STAG2: variants seen among roughly 807,000 people sequenced by gnomAD.
The protein encoded by STAG2 is cohesin subunit SA-2.
STAG2 carries 14 observed loss-of-function variants against 108.1 expected under a neutral mutation model. The observed-to-expected ratio is 0.13, with a 90% CI of 0.09 to 0.20. The LOEUF (loss-of-function observed/expected upper bound fraction) is 0.20. STAG2 is among the 10% of genes least tolerant of loss of function. The pLI is 1.00. For missense variants in STAG2, 440 were observed against 940.9 expected (o/e 0.47, Z 6.96); for synonymous variants, 307 against 302.7 (o/e 1.01, Z -0.15).
At chrX:124,053,136 C>T (rs1251345371) in intron 13 of STAG2, among the ~76,000 whole-genome samples, 2 of 112,145 alleles carry the variant, frequency 1.8e-5, no homozygotes, top group Non-Finnish European at 3.8e-5. Context: ...AATTTCTGTA[C>T]GTCCTCACCA....
At chrX:123,975,667 T>A (rs1159960447) in intron 1 of STAG2, among the ~76,000 whole-genome samples, 1 of 111,634 alleles carries the variant, frequency 9.0e-6, no homozygotes, top group Non-Finnish European at 1.9e-5. Context: ...TTTCTCCATG[T>A]TGGTCAGGCT....
At chrX:123,968,747 A>G (rs1322117134) in intron 1 of STAG2, among the ~76,000 whole-genome samples, 1 of 112,325 alleles carries the variant, frequency 8.9e-6, no homozygotes, top group Non-Finnish European at 1.9e-5. Context: ...AACTTTTGAA[A>G]CCTGAAGCAT....
intron 4 of STAG2, among the ~76,000 whole-genome samples, chrX:124,030,566 G>A (rs1185800627): frequency 1.8e-5 from 2 of 111,833 alleles, no homozygotes; most frequent in African/African-American, 3.3e-5. Context: ...ATGTTGCTAA[G>A]TACTTTGTGT....
chrX:124,060,194 T>G (rs908431392), intron 15 of STAG2, among the ~76,000 whole-genome samples: 1 of 110,939 alleles, frequency 9.0e-6, no homozygotes, highest in Non-Finnish European at 1.9e-5. Flanking sequence ...AGTGGTGTGA[T>G]CTCGGCTCAC....
At chrX:124,036,960 A>C (rs1209579128) in intron 5 of STAG2, among the ~76,000 whole-genome samples, 1 of 110,100 alleles carries the variant, frequency 9.1e-6, no homozygotes, top group East Asian at 2.8e-4. Flanking sequence ...ATCTTGGCTC[A>C]CTGCAACCTC....
At chrX:123,980,235 G>A (rs1305372430) in intron 1 of STAG2, among the ~76,000 whole-genome samples, 4 of 111,411 alleles carry the variant, frequency 3.6e-5, no homozygotes, top group Admixed American at 2.9e-4. Context: ...ATAAGAGCAG[G>A]AGATTTTTTT....
At chrX:124,090,160 CAAAAAAAAAA>C (rs758142487) in intron 30 of STAG2, among the ~76,000 whole-genome samples, 1 of 28,403 alleles carries the variant, frequency 3.5e-5, no homozygotes, top group Non-Finnish European at 5.5e-5. Context: ...GACTCTGTCT[CAAAAAAAAAA>C]AAAAAAAAAA....
chrX:123,990,682 T>G (rs1255934804), intron 1 of STAG2, among the ~76,000 whole-genome samples: 1 of 111,738 alleles, frequency 8.9e-6, no homozygotes, highest in Non-Finnish European at 1.9e-5. Flanking sequence ...TTACATAAAG[T>G]ATAGGAACAG....
intron 1 of STAG2, among the ~76,000 whole-genome samples, chrX:124,005,778 C>G (rs2056256366): frequency 9.0e-6 from 1 of 111,397 alleles, no homozygotes; most frequent in East Asian, 2.8e-4. Flanking sequence ...CAAAGTAGCA[C>G]AAACTGGGTG....
chrX:123,965,499 G>C (rs2054054761), intron 1 of STAG2, among the ~76,000 whole-genome samples: 1 of 111,795 alleles, frequency 8.9e-6, no homozygotes, highest in African/African-American at 3.3e-5. Context: ...CTAAGGCTCA[G>C]ATCTATTCCT....
In STAG2 at chrX:123,992,728, CG is replaced by C. The variant is rs34315086; in HGVS notation, c.-162-28635del. On this transcript the variant is annotated intron_variant, in intron 1 of 34. Transcript: ENST00000371145. ...TAATTTTTGAATTTTTTTGTAGAGA[CG>C]GGGTCTCACCATGTTCCCCAGGCTG... 4.3e-3 allele frequency among the ~76,000 whole-genome samples: 482 copies of C among 110,929 alleles called. 2 individuals are homozygous for C. Among genetic ancestry groups the C allele is most frequent in the African/African-American group, 0.015 (452 of 30,470 alleles).
chrX:123,979,098 A>G (rs2054757716), intron 1 of STAG2, among the ~76,000 whole-genome samples: 1 of 111,748 alleles, frequency 8.9e-6, no homozygotes, highest in African/African-American at 3.2e-5. Flanking sequence ...AAAGAAATTC[A>G]GTAATTTGCT....
At chrX:124,043,968 G>C (rs1024792179) in intron 7 of STAG2, among the ~76,000 whole-genome samples, 1 of 111,214 alleles carries the variant, frequency 9.0e-6, no homozygotes, top group African/African-American at 3.3e-5. Flanking sequence ...TTTTCGCTGT[G>C]GGTTTTCAAG....
intron 1 of STAG2, among the ~76,000 whole-genome samples, chrX:123,983,592 G>A (rs1259439706): frequency 9.0e-6 from 1 of 111,297 alleles, no homozygotes; most frequent in African/African-American, 3.3e-5. Flanking sequence ...GTTATTTATA[G>A]TCATGAGCCG....
intron 25 of STAG2, among the ~76,000 whole-genome samples, chrX:124,074,832 T>C (rs35941521): frequency 0.053 from 5,987 of 112,071 alleles, 148 homozygotes; most frequent in Non-Finnish European, 0.084. Context: ...TTAAAAACTC[T>C]GAATATCATA....
chrX:124,079,996 A>T (rs1313146501), intron 27 of STAG2, among the ~76,000 whole-genome samples: 1 of 109,899 alleles, frequency 9.1e-6, no homozygotes, highest in Non-Finnish European at 1.9e-5. Flanking sequence ...GTGAAGGTAT[A>T]ATTGAAAAGT....
intron 9 of STAG2, among the ~76,000 whole-genome samples, 174 bp from the exon 10 acceptor site, chrX:124,048,831 A>G (rs1207494234): frequency 8.9e-6 from 1 of 111,857 alleles, no homozygotes; most frequent in Admixed American, 9.5e-5. Flanking sequence ...AAGGGACTTT[A>G]TCTACCTGGT....
chrX:124,038,890 A>G (rs1234044187), intron 6 of STAG2, among the ~76,000 whole-genome samples: 2 of 111,467 alleles, frequency 1.8e-5, no homozygotes, highest in Non-Finnish European at 3.8e-5. Context: ...TTACTATGGT[A>G]TCCTTAAGGT....
intron 6 of STAG2, among the ~76,000 whole-genome samples, chrX:124,038,395 G>A (rs1411697979): frequency 1.8e-5 from 2 of 108,933 alleles, no homozygotes; most frequent in African/African-American, 6.7e-5. Flanking sequence ...TACATTTTAT[G>A]GAGATTTCTG....
Sources: gnomAD v4.1 joint callset for allele counts (sites outside exome capture counted in the v4.1 genomes callset) on GRCh38, gnomAD v4.1.1 for gene constraint, MANE v1.5 for transcripts, NCBI Gene and HGNC (gene_info 2026-07-23, HGNC 2026-07-21) for gene names.